The following LTF variants were observed in gnomAD, a reference collection of about 807,000 sequenced individuals.
The protein encoded by LTF is lactotransferrin, also known as epididymis luminal protein 110.
A neutral mutation model predicts 87.2 loss-of-function variants in LTF; 91 were observed. The ratio of observed to expected loss-of-function variants is 1.04; its 90% CI spans 0.88 to 1.24. The LOEUF (loss-of-function observed/expected upper bound fraction) is 1.24. Ranked by LOEUF, LTF falls within the 50% of genes most tolerant of loss-of-function variation. LTF has a pLI of 0.00. For synonymous variants in LTF, 378 were observed against 356.1 expected, an observed-to-expected ratio of 1.06 and a Z score of -0.69; for missense variants, 901 against 904.3, an observed-to-expected ratio of 1.00 and a Z score of 0.05.
intron 1 of LTF, among the ~76,000 whole-genome samples, chr3:46,474,584 C>T (rs1361108537): frequency 2.0e-5 from 3 of 152,188 alleles, no homozygotes; most frequent in African/African-American, 4.8e-5. Flanking sequence ...AATTCAACAA[C>T]ACCATCAACC....
chr3:46,459,867 C>G (rs1365779364), intron 1 of LTF, 48 bp from the exon 2 acceptor site: 9 of 1,395,576 alleles, frequency 6.4e-6, no homozygotes, highest in Non-Finnish European at 8.5e-6. Flanking sequence ...TGACTGAGGG[C>G]GTGACCACCG....
intron 15 of LTF, among the ~76,000 whole-genome samples, chr3:46,438,336 C>T (rs747491088): frequency 1.1e-4 from 16 of 152,186 alleles, no homozygotes; most frequent in Non-Finnish European, 2.2e-4. Context: ...GCATCCAGGC[C>T]TCGCACCACT....
intron 13 of LTF, among the ~76,000 whole-genome samples, chr3:46,442,145 G>GAATAAC (rs939164994): frequency 2.2e-4 from 33 of 152,218 alleles, no homozygotes; most frequent in African/African-American, 7.9e-4. Flanking sequence ...TATAATATGA[G>GAATAAC]AATAACGCTT....
intron 1 of LTF, among the ~76,000 whole-genome samples, chr3:46,461,065 A>G (rs1703069245): frequency 6.6e-6 from 1 of 152,262 alleles, no homozygotes; most frequent in Non-Finnish European, 1.5e-5. Flanking sequence ...AAAGTGCTCA[A>G]TATCATTAGT....
intron 15 of LTF, 35 bp from the exon 16 acceptor site, chr3:46,438,164 A>G (rs773819046): frequency 6.3e-7 from 1 of 1,577,756 alleles, no homozygotes; most frequent in Admixed American, 1.7e-5. Context: ...GTAGCTAAGG[A>G]AAAGAGGAAT....
At chr3:46,463,436 C>T in intron 1 of LTF, 1 of 984,978 alleles carries the variant, frequency 1.0e-6, no homozygotes, top group Non-Finnish European at 1.2e-6. Flanking sequence ...CCAGCTGGCC[C>T]CACTCACCCA....
intron 2 of LTF, among the ~76,000 whole-genome samples, chr3:46,457,656 C>T (rs1475148598): frequency 1.3e-5 from 2 of 152,192 alleles, no homozygotes; most frequent in Non-Finnish European, 2.9e-5. Flanking sequence ...ACTAACAAAT[C>T]GCTCAGGTCT....
intron 10 of LTF, 92 bp downstream of exon 10, chr3:46,447,213 CATA>C: frequency 2.4e-6 from 2 of 849,356 alleles, no homozygotes; most frequent in Admixed American, 3.6e-5. Context: ...ATCTGTTCAT[CATA>C]ATGTTTCACC....
intron 5 of LTF, 139 bp downstream of exon 5, chr3:46,455,156 G>T: frequency 9.7e-7 from 1 of 1,027,536 alleles, no homozygotes; most frequent in Non-Finnish European, 1.5e-6. Context: ...CACTCTCTTT[G>T]GACACACAGC....
Position 46,457,137 on chromosome 3 carries a change from G to A in LTF, c.208-739C>T, listed in dbSNP as rs138235189. On this transcript the variant is annotated intron_variant, in intron 2 of 16. Coordinates refer to ENST00000231751, the MANE Select transcript of LTF (RefSeq NM_002343.6). ...GCCCTCTGCTCACCTCCTGGTCTGA[G>A]GTCTAGTTCCTAACAGGCCATCAAC... Among the ~76,000 whole-genome samples the A allele has an allele frequency of 8.9e-4, 136 of 152,324 alleles. 1 individual carries two copies. The highest frequency in any genetic ancestry group is 3.0e-3 in the African/African-American group (126 of 41,570).
intron 5 of LTF, 123 bp downstream of exon 5, chr3:46,455,169 TAGG>T: frequency 2.7e-6 from 3 of 1,131,980 alleles, no homozygotes; most frequent in Non-Finnish European, 3.9e-6. Flanking sequence ...CACACAGCAG[TAGG>T]AGAACAGACC....
chr3:46,452,870 T>A (rs1161026144), intron 6 of LTF, among the ~76,000 whole-genome samples: 1 of 152,166 alleles, frequency 6.6e-6, no homozygotes, highest in Non-Finnish European at 1.5e-5. Flanking sequence ...TATAAATAGA[T>A]GAGGAAGGGG....
chr3:46,460,210 G>C (rs866795327), intron 1 of LTF, among the ~76,000 whole-genome samples: 21 of 152,192 alleles, frequency 1.4e-4, no homozygotes, highest in African/African-American at 5.1e-4. Flanking sequence ...TTTTACTGAT[G>C]TGGAAATTGG....
intron 6 of LTF, among the ~76,000 whole-genome samples, chr3:46,451,409 G>A (rs1291627460): frequency 1.3e-5 from 2 of 152,226 alleles, no homozygotes; most frequent in African/African-American, 2.4e-5. Flanking sequence ...AGGTTTACCA[G>A]TGTATTCCAT....
In LTF at chr3:46,455,985, A is replaced by G. The variant is rs763967528; in HGVS notation, c.317-7T>C. 1.0e-5 allele frequency: 16 copies of G among 1,557,202 alleles called. No homozygotes were observed. Among genetic ancestry groups the G allele is most frequent in the Middle Eastern group, 1.7e-4 (1 of 5,844 alleles). On this transcript the variant is annotated splice_region_variant and splice_polypyrimidine_tract_variant and intron_variant, in intron 3 of 16. Transcript: ENST00000231751. ...TAATAGTGAGTTCGTGGCTCTGCAA[A>G]GGGGCAGACAGAATTGAAAGTTCTT...
rs748556681 is a variant in LTF at position 46,443,414 on chromosome 3, C to T, written c.1655+27G>A. The stretch of plus-strand genomic sequence containing the variant: ...GCTGAGGGATGAGGTAAGTCCCCAT[C>T]CTGATGGAGCTCAGTCACAGACTCA... On this transcript the variant is annotated intron_variant, in intron 13 of 16. Coordinates refer to ENST00000231751, the MANE Select transcript of LTF (RefSeq NM_002343.6). 17 of 1,613,522 alleles carry T rather than the reference C, an allele frequency of 1.1e-5. No homozygotes were observed. In the East Asian group the frequency reaches 3.6e-4, roughly 34 times the overall value.
At chr3:46,482,104 C>A (rs943323325) in intron 1 of LTF, among the ~76,000 whole-genome samples, 5 of 151,918 alleles carry the variant, frequency 3.3e-5, no homozygotes, top group Non-Finnish European at 5.9e-5. Context: ...ACTTTTTATG[C>A]GACTCACAAT....
intron 2 of LTF, among the ~76,000 whole-genome samples, chr3:46,459,257 T>C (rs1703016426): frequency 6.6e-6 from 1 of 152,246 alleles, no homozygotes; most frequent in Admixed American, 6.5e-5. Flanking sequence ...CCATGTGATG[T>C]GGCAACGGTG....
At chr3:46,484,448 T>G (rs1410850530) in intron 1 of LTF, among the ~76,000 whole-genome samples, 2 of 152,152 alleles carry the variant, frequency 1.3e-5, no homozygotes, top group East Asian at 3.9e-4. Flanking sequence ...TGGGGCAAGA[T>G]GAAACTGAGG....
Sources: allele counts gnomAD v4.1 joint callset (sites outside exome capture counted in the v4.1 genomes callset), GRCh38; gene constraint gnomAD v4.1.1; transcripts MANE v1.5; gene names NCBI Gene and HGNC (gene_info 2026-07-23, HGNC 2026-07-21).